Variants in THUMPD1 observed in about 807,000 individuals in gnomAD.
THUMPD1 encodes the protein THUMP domain-containing protein 1.
THUMPD1 carries 31 observed loss-of-function variants against 31.6 expected under a neutral mutation model. The observed-to-expected ratio is 0.98, with a 90% CI of 0.74 to 1.32. The LOEUF (loss-of-function observed/expected upper bound fraction) is 1.32. Among genes scored for constraint, THUMPD1 ranks in the 40% most tolerant of loss-of-function variants. The pLI is 0.00. For synonymous variants in THUMPD1, 166 were observed against 158.2 expected (o/e 1.05, Z -0.37); for missense variants, 446 against 427.8 (o/e 1.04, Z -0.38).
Position 20,734,319 on chromosome 16 carries a change from C to T in THUMPD1, c.*2561G>A, listed in dbSNP as rs2079850600. 1 of 152,572 alleles carries T rather than the reference C, an allele frequency of 6.6e-6. No individual in the cohort carries two copies. The highest frequency in any genetic ancestry group is 1.5e-5 in the Non-Finnish European group (1 of 68,014). 9.5% of individuals were successfully genotyped at this position (152,572 alleles called of 1,614,324 possible). A position where few individuals can be genotyped will look rare whatever the true frequency, so the allele number is the denominator to read the frequency against. The stretch of plus-strand genomic sequence containing the variant: ...GTCTGCTGAAGAAGGCACCAAAATC[C>T]TATCCTCCCTATTCCCCTAACTGAT... On this transcript the variant is annotated 3_prime_UTR_variant, in exon 4 of 4. Transcript: ENST00000396083.
At position 20,737,137 on chromosome 16, in the gene THUMPD1, TCAC is replaced by T. The variant is rs2079877167; in HGVS notation, c.802_804del (p.Val268del). 1 of 1,614,112 alleles carries T rather than the reference TCAC, an allele frequency of 6.2e-7. No homozygotes were observed. Among genetic ancestry groups the T allele is most frequent in the Admixed American group, 1.7e-5 (1 of 60,000 alleles). ...AGCTGTGACGGATCCTTAGGGCTCT[TCAC>T]CACCTCCTGGAGATTGTATTTTCTA... On this transcript the variant is annotated inframe_deletion, in exon 4 of 4. Coordinates refer to ENST00000396083, the MANE Select transcript of THUMPD1 (RefSeq NM_017736.5).
rs75941107 is a variant in THUMPD1, at chr16:20,741,081, C to G, written c.231+428G>C. The stretch of plus-strand genomic sequence containing the variant: ...GGGTTTAGGACTACCCTGGGCCAAA[C>G]AGTGAGACCCCTTATCTACAATTTA... On this transcript the variant is annotated intron_variant, in intron 1 of 3. Coordinates refer to ENST00000396083, the MANE Select transcript of THUMPD1 (RefSeq NM_017736.5). Among the ~76,000 whole-genome samples, 995 of 151,882 alleles carry G rather than the reference C, an allele frequency of 6.6e-3. 5 individuals carry two copies. The highest frequency in any genetic ancestry group is 0.011 in the Non-Finnish European group (718 of 67,986).
At position 20,736,736 on chromosome 16, in the gene THUMPD1, G is replaced by A; in HGVS notation, c.*144C>T. ...CCCTAAAAAAACTGTTAACAGGGCTGCGCAATCATTGCTCACTACTGTGAG... is the reference window on the plus strand; with the variant it reads ...CCCTAAAAAAACTGTTAACAGGGCTACGCAATCATTGCTCACTACTGTGAG... On this transcript the variant is annotated 3_prime_UTR_variant, in exon 4 of 4. Coordinates refer to ENST00000396083, the MANE Select transcript of THUMPD1 (RefSeq NM_017736.5). 1.3e-6 allele frequency: 1 copy of A among 789,452 alleles called. No individual in the cohort carries two copies. Among genetic ancestry groups the A allele is most frequent in the South Asian group, 1.9e-5 (1 of 53,320 alleles). The allele number at this position is 789,452 out of a possible 1,614,324, so 48.9% of individuals were successfully genotyped here. A position where few individuals can be genotyped will look rare whatever the true frequency, so the allele number is the denominator to read the frequency against.
chr16:20,738,247 C>T lies in THUMPD1; in HGVS notation c.407-291G>A, dbSNP rs1056696400. Reference sequence around the variant, plus strand: ...TTTGTGATGTCCTGAGTTATCCAACCGTAACACCATGCTGTTGTTTTCCTG... The same window carrying T: ...TTTGTGATGTCCTGAGTTATCCAACTGTAACACCATGCTGTTGTTTTCCTG... On this transcript the variant is annotated intron_variant, in intron 2 of 3. Coordinates refer to ENST00000396083, the MANE Select transcript of THUMPD1 (RefSeq NM_017736.5). The T allele has an allele frequency of 4.7e-5, 23 of 488,330 alleles. 1 individual carries two copies. In the Admixed American group the frequency reaches 4.8e-4, roughly 10 times the overall value. 30.2% of individuals were successfully genotyped at this position (488,330 alleles called of 1,614,324 possible). A position where few individuals can be genotyped will look rare whatever the true frequency, so the allele number is the denominator to read the frequency against.
intron 1 of THUMPD1, among the ~76,000 whole-genome samples, chr16:20,739,533 G>C (rs1373211085): frequency 6.6e-5 from 10 of 152,026 alleles, no homozygotes; most frequent in East Asian, 1.9e-4. Context: ...TCAAAACGTG[G>C]AGCAAGGCCG....
chr16:20,739,081 T>C lies in THUMPD1; in HGVS notation c.232-10A>G. The C allele has an allele frequency of 6.2e-7, 1 of 1,613,940 alleles. No homozygotes were observed. The highest frequency in any genetic ancestry group is 1.1e-5 in the South Asian group (1 of 91,068). On this transcript the variant is annotated splice_polypyrimidine_tract_variant and intron_variant, in intron 1 of 3. Coordinates refer to ENST00000396083, the MANE Select transcript of THUMPD1 (RefSeq NM_017736.5). ...GATCCTTGTCTGTAAACTGTTTGCA[T>C]AAAACTAATGAGCAGAAATGACACA...
rs79921607 is a variant in THUMPD1, at chr16:20,736,774, C to T, written c.*106G>A. 4,029 of 1,113,620 alleles carry T rather than the reference C, an allele frequency of 3.6e-3. 14 individuals are homozygous for T. Among genetic ancestry groups the T allele is most frequent in the Non-Finnish European group, 4.8e-3 (3,724 of 776,508 alleles). 69.0% of individuals were successfully genotyped at this position (1,113,620 alleles called of 1,614,324 possible). ...TCACTACTGTGAGAACAGCATAATG[C>T]AGCACACAAATAAAAAACTGTTTTT... On this transcript the variant is annotated 3_prime_UTR_variant, in exon 4 of 4. Coordinates refer to ENST00000396083, the MANE Select transcript of THUMPD1 (RefSeq NM_017736.5).
At position 20,741,732 on chromosome 16, in the gene THUMPD1, G is replaced by C; in HGVS notation, c.8C>G (p.Ala3Gly). The change falls in exon 1 of 4, where the codon GCC (alanine) becomes GGC (glycine). Residue 3 changes from alanine (A) to glycine (G), a missense_variant. Ala to Gly is a moderately conservative substitution (Grantham distance 60, BLOSUM62 0). Transcript: ENST00000396083. Reference sequence around the variant, plus strand: ...AGGCTGAGTAGTCTGCTGGGCAGGGGCCGCCATGGTGTGCGCAAACTGAGA... The same window carrying C: ...AGGCTGAGTAGTCTGCTGGGCAGGGCCCGCCATGGTGTGCGCAAACTGAGA... MA[A>G]PAQQTTQPGG... The C allele has an allele frequency of 6.4e-7, 1 of 1,569,222 alleles. No homozygotes were observed. Among genetic ancestry groups the C allele is most frequent in the Non-Finnish European group, 8.6e-7 (1 of 1,156,922 alleles).
rs1414940705 is a variant in THUMPD1 at position 20,741,354 on chromosome 16, G to A, written c.231+155C>T. On this transcript the variant is annotated intron_variant, in intron 1 of 3. Transcript: ENST00000396083. ...AGCACCGAAGTCTGCGAGCGTCTCA[G>A]GACTAGGGACGGAAACGCCGGCGAG... Among the ~76,000 whole-genome samples the A allele has an allele frequency of 3.9e-5, 6 of 152,370 alleles. No individual in the cohort carries two copies. The East Asian group carries it at 7.7e-4, about 20-fold the overall frequency.
Position 20,741,706 on chromosome 16 carries a change from CA to C in THUMPD1, c.33del (p.Gly12AlafsTer28), listed in dbSNP as rs1328181211. MAAPAQQTTQ[P>X]GGGKRKGKAQ... The stretch of plus-strand genomic sequence containing the variant: ...GCCTTGCCTTTGCGCTTCCCGCCGC[CA>C]GGCTGAGTAGTCTGCTGGGCAGGGG... On this transcript the variant is annotated frameshift_variant, in exon 1 of 4. Transcript: ENST00000396083. LOFTEE classifies it high-confidence loss of function. 1 of 1,578,150 alleles carries C rather than the reference CA, an allele frequency of 6.3e-7. No individual in the cohort carries two copies. Among genetic ancestry groups the C allele is most frequent in the South Asian group, 1.2e-5 (1 of 86,288 alleles).
Position 20,741,703 on chromosome 16 carries a change from C to A in THUMPD1, c.37G>T (p.Gly13Cys), listed in dbSNP as rs868110405. Reference protein sequence around the residue: ...APAQQTTQPGGGKRKGKAQYV... With the variant: ...APAQQTTQPGCGKRKGKAQYV... ...TGAGCCTTGCCTTTGCGCTTCCCGC[C>A]GCCAGGCTGAGTAGTCTGCTGGGCA... Residue 13 changes from glycine to cysteine, a missense_variant, in exon 1 of 4, where the codon GGC becomes TGC. Gly to Cys is a radical substitution (Grantham distance 159). Coordinates refer to ENST00000396083, the MANE Select transcript of THUMPD1 (RefSeq NM_017736.5). The A allele has an allele frequency of 6.3e-7, 1 of 1,578,410 alleles. No individual in the cohort carries two copies. Among genetic ancestry groups the A allele is most frequent in the East Asian group, 2.3e-5 (1 of 43,250 alleles).
At position 20,741,530 on chromosome 16, in the gene THUMPD1, G is replaced by A; in HGVS notation, c.210C>T (p.Asp70=). 2 of 1,319,418 alleles carry A rather than the reference G, an allele frequency of 1.5e-6. No homozygotes were observed. Among genetic ancestry groups the A allele is most frequent in the Non-Finnish European group, 1.0e-6 (1 of 1,004,640 alleles). 81.7% of individuals were successfully genotyped at this position (1,319,418 alleles called of 1,614,324 possible). A position where few individuals can be genotyped will look rare whatever the true frequency, so the allele number is the denominator to read the frequency against. ...EAYSLLNEYG[D]DMYGPEKFTD... is the part of the protein sequence containing the mutation. ...GTACCTTTTCTGGCCCATACATGTCGTCGCCGTATTCGTTGAGGAGGCTGT... is the reference window on the plus strand; with the variant it reads ...GTACCTTTTCTGGCCCATACATGTCATCGCCGTATTCGTTGAGGAGGCTGT... The change falls in exon 1 of 4, where the codon GAC becomes GAT. Residue 70 remains aspartate, a synonymous_variant. Coordinates refer to ENST00000396083, the MANE Select transcript of THUMPD1 (RefSeq NM_017736.5).
Position 20,741,492 on chromosome 16 carries a change from CACCCCG to C in THUMPD1, c.231+11_231+16del. 2.6e-6 allele frequency: 1 copy of C among 380,078 alleles called. No individual in the cohort carries two copies. Among genetic ancestry groups the C allele is most frequent in the Non-Finnish European group, 3.9e-6 (1 of 257,352 alleles). The allele number at this position is 380,078 out of a possible 1,614,324, so 23.5% of individuals were successfully genotyped here. On this transcript the variant is annotated intron_variant, in intron 1 of 3. Transcript: ENST00000396083. The stretch of plus-strand genomic sequence containing the variant: ...AGGCCTGGCAGCCGGCCCGCCCGCC[CACCCCG>C]GGACCGGTACCTTTTCTGGCCCATA...
chr16:20,739,190 T>C (rs1375030489), intron 1 of THUMPD1, 119 bp from the exon 2 acceptor site: 56 of 860,404 alleles, frequency 6.5e-5, no homozygotes, highest in Non-Finnish European at 8.8e-5. Flanking sequence ...TTTTTTTTTT[T>C]CTAAAGATGG....
chr16:20,740,282 G>C (rs1039251660), intron 1 of THUMPD1, among the ~76,000 whole-genome samples: 2 of 152,198 alleles, frequency 1.3e-5, no homozygotes, highest in Non-Finnish European at 2.9e-5. Context: ...TGCAGTCCCT[G>C]CTACTCGGGG....
At chr16:20,741,481 G>GGGGGGGGGGGGGCCCCCCC (rs1596494029) in intron 1 of THUMPD1, 28 bp downstream of exon 1, 3 of 1,308,406 alleles carry the variant, frequency 2.3e-6, no homozygotes, top group Non-Finnish European at 3.0e-6. Flanking sequence ...CTGGCAGCCG[G>GGGGGGGGGGGGGCCCCCCC]CCCGCCCGCC....
intron 1 of THUMPD1, among the ~76,000 whole-genome samples, chr16:20,740,644 A>C (rs909325888): frequency 3.9e-5 from 6 of 152,172 alleles, no homozygotes; most frequent in Non-Finnish European, 1.5e-5. Context: ...CGAGTCCCCA[A>C]GCTAGTAGAG....
At chr16:20,740,382 C>CA (rs1204849790) in intron 1 of THUMPD1, among the ~76,000 whole-genome samples, 1 of 152,198 alleles carries the variant, frequency 6.6e-6, no homozygotes, top group African/African-American at 2.4e-5. Context: ...CCTTGGGTGA[C>CA]AGAGCAAGAC....
At position 20,734,248 on chromosome 16, in the gene THUMPD1, T is replaced by TC. The variant is rs1241851924; in HGVS notation, c.*2631dup. On this transcript the variant is annotated 3_prime_UTR_variant, in exon 4 of 4. Coordinates refer to ENST00000396083, the MANE Select transcript of THUMPD1 (RefSeq NM_017736.5). ...GGCATATGGCCAATTTTCTTCCGAG[T>TC]CCTTTTGTCTTGCACTATCAAAATA... The TC allele has an allele frequency of 2.6e-5, 4 of 152,600 alleles. No individual in the cohort carries two copies. The highest frequency in any genetic ancestry group is 5.9e-5 in the Non-Finnish European group (4 of 68,024). The allele number at this position is 152,600 out of a possible 1,614,324, so 9.5% of individuals were successfully genotyped here.
Sources: gnomAD v4.1 joint callset for allele counts (sites outside exome capture counted in the v4.1 genomes callset) on GRCh38, gnomAD v4.1.1 for gene constraint, MANE v1.5 for transcripts, NCBI Gene and HGNC (gene_info 2026-07-23, HGNC 2026-07-21) for gene names.